XPO1: variants seen among roughly 807,000 people sequenced by gnomAD.
The protein encoded by XPO1 is exportin 1, also known as exportin-1.
In XPO1, 5 loss-of-function variants were observed where a neutral mutation model predicts 133.3. The ratio of observed to expected loss-of-function variants is 0.04; its 90% CI spans 0.02 to 0.08. XPO1 has a LOEUF of 0.08. XPO1 is among the 10% of genes least tolerant of loss of function. The pLI is 1.00. For synonymous variants in XPO1, 419 were observed against 408.2 expected (o/e 1.03, Z -0.32); for missense variants, 506 against 1,267.5 (o/e 0.40, Z 9.12).
At chr2:61,521,347 CAA>C (rs1199880267) in intron 4 of XPO1, among the ~76,000 whole-genome samples, 1 of 151,920 alleles carries the variant, frequency 6.6e-6, no homozygotes, top group African/African-American at 2.4e-5. Context: ...ACTTAAAAGA[CAA>C]ATAATCAAAG....
At chr2:61,516,146 C>G (rs916557838) in intron 4 of XPO1, among the ~76,000 whole-genome samples, 3 of 134,994 alleles carry the variant, frequency 2.2e-5, no homozygotes, top group Admixed American at 2.2e-4. Context: ...AAAAACAAAA[C>G]AAAACAAAAC....
At chr2:61,529,523 G>A (rs923463330) in intron 2 of XPO1, among the ~76,000 whole-genome samples, 7 of 151,988 alleles carry the variant, frequency 4.6e-5, no homozygotes, top group Non-Finnish European at 2.9e-5. Flanking sequence ...GGGCATGGTG[G>A]GGCGTACTTG....
At chr2:61,495,805 A>C (rs1697214684) in intron 10 of XPO1, among the ~76,000 whole-genome samples, 192 bp from the exon 11 acceptor site, 1 of 151,988 alleles carries the variant, frequency 6.6e-6, no homozygotes, top group Admixed American at 6.6e-5. Flanking sequence ...GAGTAGCTGG[A>C]ACCACAGGTA....
intron 3 of XPO1, among the ~76,000 whole-genome samples, chr2:61,524,006 T>C (rs1332437255): frequency 1.3e-5 from 2 of 152,230 alleles, no homozygotes; most frequent in African/African-American, 4.8e-5. Flanking sequence ...TTCTAACCTG[T>C]TCACTTTTAA....
chr2:61,532,783 C>A (rs1436944455), intron 2 of XPO1, among the ~76,000 whole-genome samples: 1 of 149,340 alleles, frequency 6.7e-6, no homozygotes, highest in Non-Finnish European at 1.5e-5. Context: ...TGCAGTGAGC[C>A]GAGACTGTGC....
chr2:61,488,502 T>A, intron 18 of XPO1, 86 bp downstream of exon 18: 1 of 1,422,080 alleles, frequency 7.0e-7, no homozygotes, highest in Non-Finnish European at 9.6e-7. Context: ...TTTAAATCTG[T>A]AAAAAACATC....
intron 16 of XPO1, among the ~76,000 whole-genome samples, chr2:61,491,496 A>ACACACACACACACACACC (rs1491477036): frequency 3.4e-5 from 5 of 147,250 alleles, no homozygotes; most frequent in African/African-American, 1.0e-4. Flanking sequence ...ACACACACAC[A>ACACACACACACACACACC]CCCCAAAACA....
chr2:61,532,082 GA>G (rs1699178648), intron 2 of XPO1, among the ~76,000 whole-genome samples: 1 of 152,106 alleles, frequency 6.6e-6, no homozygotes, highest in Admixed American at 6.5e-5. Context: ...TATATTTTCA[GA>G]AAGTGTAATG....
At chr2:61,485,554 G>A (rs1019940249) in intron 20 of XPO1, 6 of 240,658 alleles carry the variant, frequency 2.5e-5, no homozygotes, top group Non-Finnish European at 4.5e-5. Context: ...TGAACTTTTT[G>A]TAGAGATGAA....
At chr2:61,491,469 C>CACACACACACACACACAT (rs1696986042) in intron 16 of XPO1, among the ~76,000 whole-genome samples, 1 of 146,562 alleles carries the variant, frequency 6.8e-6, no homozygotes, top group Admixed American at 6.9e-5. Context: ...AACACACACA[C>CACACACACACACACACAT]ACACACACAC....
intron 24 of XPO1, among the ~76,000 whole-genome samples, chr2:61,479,541 T>C (rs1004793782): frequency 3.3e-5 from 5 of 152,202 alleles, no homozygotes; most frequent in African/African-American, 1.2e-4. Flanking sequence ...TACCGAAGTA[T>C]CTCATGCATC....
intron 19 of XPO1, among the ~76,000 whole-genome samples, chr2:61,487,229 TTTAACA>T (rs1379872180): frequency 3.3e-5 from 5 of 152,094 alleles, no homozygotes; most frequent in African/African-American, 9.7e-5. Flanking sequence ...TATCCCAAAC[TTTAACA>T]TTAATGTTAC....
intron 11 of XPO1, 76 bp downstream of exon 11, chr2:61,495,379 T>C (rs972374806): frequency 1.7e-6 from 2 of 1,186,886 alleles, no homozygotes; most frequent in African/African-American, 4.3e-5. Flanking sequence ...GGTACATACA[T>C]TTTAGAAAAA....
Position 61,482,500 on chromosome 2 carries a change from T to G in XPO1, c.2852A>C (p.Asn951Thr). 3 of 1,612,702 alleles carry G rather than the reference T, an allele frequency of 1.9e-6. No individual in the cohort carries two copies. Among genetic ancestry groups the G allele is most frequent in the Non-Finnish European group, 2.5e-6 (3 of 1,179,578 alleles). Residue 951 changes from asparagine to threonine, a missense_variant, in exon 23 of 25, where the codon AAT (asparagine) becomes ACT (threonine). Coordinates refer to ENST00000401558, the MANE Select transcript of XPO1 (RefSeq NM_003400.4). The stretch of plus-strand genomic sequence containing the variant: ...ACTTATTTTTCCTTCTTCAACCAAA[T>G]TAAACATATATGCAAGAATTGATGC... ...MHASILAYMF[N>T]LVEEGKISTS...
At chr2:61,517,813 GACCTACAGTGCT>G (rs1214171733) in intron 4 of XPO1, among the ~76,000 whole-genome samples, 2 of 151,968 alleles carry the variant, frequency 1.3e-5, no homozygotes, top group Non-Finnish European at 2.9e-5. Flanking sequence ...TGGTGGTGCG[GACCTACAGTGCT>G]AGCTACTCTC....
chr2:61,500,438 G>C (rs1340475826), intron 6 of XPO1, among the ~76,000 whole-genome samples: 1 of 151,818 alleles, frequency 6.6e-6, no homozygotes, highest in Non-Finnish European at 1.5e-5. Context: ...AATTAGCGAG[G>C]CATGGTGACG....
At chr2:61,529,521 T>C (rs1558680544) in intron 2 of XPO1, among the ~76,000 whole-genome samples, 1 of 152,088 alleles carries the variant, frequency 6.6e-6, no homozygotes, top group East Asian at 1.9e-4. Context: ...CTGGGCATGG[T>C]GGGGCGTACT....
chr2:61,480,195 A>C (rs1000143356), intron 24 of XPO1: 3 of 151,724 alleles, frequency 2.0e-5, no homozygotes, highest in Non-Finnish European at 2.9e-5. Context: ...GATACCAAGA[A>C]AGATGTTTCT....
chr2:61,502,471 C>G (rs577929148), intron 4 of XPO1, 161 bp from the exon 5 acceptor site: 3 of 657,654 alleles, frequency 4.6e-6, no homozygotes, highest in Non-Finnish European at 7.4e-6. Context: ...AAATTCCGGC[C>G]CGGTGCGGTG....
Sources: gnomAD v4.1 joint callset for allele counts (sites outside exome capture counted in the v4.1 genomes callset) on GRCh38, gnomAD v4.1.1 for gene constraint, MANE v1.5 for transcripts, NCBI Gene and HGNC (gene_info 2026-07-23, HGNC 2026-07-21) for gene names.